HLTF: variants seen among roughly 807,000 people sequenced by gnomAD.
The protein encoded by HLTF is helicase like transcription factor.
Under a neutral mutation model 129.4 loss-of-function variants are expected in HLTF, and 127 were observed. The observed-to-expected ratio is 0.98, with a 90% CI of 0.85 to 1.14. The LOEUF (loss-of-function observed/expected upper bound fraction) is 1.14. Among genes scored for constraint, HLTF ranks in the 50% most tolerant of loss-of-function variants. The probability of loss-of-function intolerance (pLI) is 0.00; values close to 1 mark genes in which losing one functional copy is unlikely to be tolerated. For synonymous variants in HLTF, 332 were observed against 388.8 expected (o/e 0.85, Z 1.72); for missense variants, 1,139 against 1,187.1 (o/e 0.96, Z 0.60).
intron 2 of HLTF, among the ~76,000 whole-genome samples, chr3:149,082,575 C>T (rs1040960686): frequency 3.3e-5 from 5 of 152,100 alleles, no homozygotes; most frequent in African/African-American, 9.7e-5. Context: ...CAATCTGTAT[C>T]TTGATTGGGG....
At position 149,059,574 on chromosome 3, in the gene HLTF, T is replaced by C; in HGVS notation, c.1375+144A>G. On this transcript the variant is annotated intron_variant, in intron 13 of 24. Coordinates refer to ENST00000310053, the MANE Select transcript of HLTF (RefSeq NM_003071.4). ...GAAAACAAATTATGAGGTAGCTTTGTTCTTTTAATGGGTTATATACTTTAA... is the reference window on the plus strand; with the variant it reads ...GAAAACAAATTATGAGGTAGCTTTGCTCTTTTAATGGGTTATATACTTTAA... The C allele has an allele frequency of 4.3e-5, 25 of 586,306 alleles. 2 individuals are homozygous for C. The South Asian group carries it at 5.6e-4, about 13-fold the overall frequency. The allele number at this position is 586,306 out of a possible 1,614,324, so 36.3% of individuals were successfully genotyped here. A position where few individuals can be genotyped will look rare whatever the true frequency, so the allele number is the denominator to read the frequency against.
At chr3:149,057,851 ATTTC>A (rs1016355122) in intron 13 of HLTF, among the ~76,000 whole-genome samples, 16 of 152,290 alleles carry the variant, frequency 1.1e-4, no homozygotes, top group African/African-American at 3.8e-4. Context: ...CATGTACATT[ATTTC>A]TAATATTCCA....
intron 2 of HLTF, among the ~76,000 whole-genome samples, chr3:149,083,017 CGAGGT>C (rs533825124): frequency 6.6e-6 from 1 of 151,964 alleles, no homozygotes; most frequent in Non-Finnish European, 1.5e-5. Flanking sequence ...TTTGGAAGGC[CGAGGT>C]GAGTGGATCA....
intron 3 of HLTF, 110 bp downstream of exon 3, chr3:149,075,771 A>G (rs1719292962): frequency 1.7e-6 from 1 of 586,604 alleles, no homozygotes; most frequent in Admixed American, 3.2e-5. Flanking sequence ...CCAAAAGTAC[A>G]GTGATAGAAA....
At chr3:149,044,858 C>CCTT (rs755837584) in intron 18 of HLTF, among the ~76,000 whole-genome samples, 97 of 152,152 alleles carry the variant, frequency 6.4e-4, no homozygotes, top group Non-Finnish European at 1.2e-3. Context: ...TTTCTCACTC[C>CCTT]CTTTATCACT....
At chr3:149,047,506 C>T (rs1451204843) in intron 17 of HLTF, among the ~76,000 whole-genome samples, 2 of 151,950 alleles carry the variant, frequency 1.3e-5, no homozygotes, top group African/African-American at 2.4e-5. Context: ...GCGGGGCATG[C>T]TGGCGCAGAC....
Position 149,032,016 on chromosome 3 carries a change from A to T in HLTF, c.*204T>A, listed in dbSNP as rs1385182573. 5.2e-6 allele frequency: 2 copies of T among 387,694 alleles called. No homozygotes were observed. Among genetic ancestry groups the T allele is most frequent in the South Asian group, 1.4e-4 (2 of 14,566 alleles). The allele number at this position is 387,694 out of a possible 1,614,324, so 24.0% of individuals were successfully genotyped here. On this transcript the variant is annotated 3_prime_UTR_variant, in exon 25 of 25. Transcript: ENST00000310053. ...CTCAAATTATTTCAGGCCACAGTAT[A>T]TAACGGAACTTATTGCTATTTGAAG... is the stretch of plus-strand genomic sequence containing the variant.
intron 10 of HLTF, 82 bp downstream of exon 10, chr3:149,063,349 C>T (rs1276192335): frequency 1.7e-5 from 16 of 929,762 alleles, no homozygotes; most frequent in East Asian, 7.4e-5. Flanking sequence ...TGTGAGCCAC[C>T]GTGCCCAGCC....
At chr3:149,041,768 C>G (rs1716153844) in intron 19 of HLTF, 100 bp from the exon 20 acceptor site, 18 of 819,980 alleles carry the variant, frequency 2.2e-5, no homozygotes, top group South Asian at 2.1e-4. Context: ...TAGGGAAAGT[C>G]TCTCATCATT....
chr3:149,060,358 C>T (rs1197140599), intron 12 of HLTF, among the ~76,000 whole-genome samples: 1 of 152,134 alleles, frequency 6.6e-6, no homozygotes, highest in African/African-American at 2.4e-5. Flanking sequence ...TCATACTACA[C>T]ACATAGGTTT....
At chr3:149,035,106 T>G in intron 23 of HLTF, 108 bp from the exon 24 acceptor site, 1 of 843,884 alleles carries the variant, frequency 1.2e-6, no homozygotes, top group Non-Finnish European at 2.0e-6. Flanking sequence ...GACTGAAAGT[T>G]TTCTGCCTGA....
rs1336213963 is a variant in HLTF at position 149,074,274 on chromosome 3, C to A, written c.470G>T (p.Arg157Ile). 2 of 1,613,484 alleles carry A rather than the reference C, an allele frequency of 1.2e-6. No individual in the cohort carries two copies. Among genetic ancestry groups the A allele is most frequent in the Non-Finnish European group, 1.7e-6 (2 of 1,179,810 alleles). The change falls in exon 4 of 25, where the codon AGA (arginine) becomes ATA (isoleucine). Residue 157 changes from arginine to isoleucine, a missense_variant. Physicochemically the swap from Arg to Ile is moderately conservative, Grantham distance 97. Coordinates refer to ENST00000310053, the MANE Select transcript of HLTF (RefSeq NM_003071.4). ...HMTFWGKEEN[R>I]KAVSDQLKKH... ...CTTCAACTGATCTGAAACCGCTTTT[C>A]TATTTTCTTCTTTTCCCCAAAAAGT...
chr3:149,082,804 C>T (rs536294982), intron 2 of HLTF, among the ~76,000 whole-genome samples: 1 of 152,228 alleles, frequency 6.6e-6, no homozygotes, highest in South Asian at 2.1e-4. Flanking sequence ...AGATGATATT[C>T]CTAATCACAT....
In HLTF at chr3:149,041,523, T is replaced by C; in HGVS notation, c.2343A>G (p.Lys781=). The C allele has an allele frequency of 1.2e-6, 2 of 1,612,946 alleles. No individual in the cohort carries two copies. The highest frequency in any genetic ancestry group is 1.7e-6 in the Non-Finnish European group (2 of 1,179,346). ...TCTGAATGACTTGGCAAATACAGGG[T>C]TTACAAAATACATGTGCACAATGTG... The part of the protein sequence containing the change: ...VITHCAHVFC[K]PCICQVIQNE... The change falls in exon 20 of 25, where the codon AAA becomes AAG. Residue 781 remains lysine (K), a synonymous_variant. Transcript: ENST00000310053.
intron 18 of HLTF, 95 bp from the exon 19 acceptor site, chr3:149,042,385 C>T: frequency 9.7e-7 from 1 of 1,028,342 alleles, no homozygotes; most frequent in Non-Finnish European, 1.4e-6. Flanking sequence ...TTCTTTTCTT[C>T]TCTAGAAATT....
At chr3:149,083,379 T>C (rs1291752099) in intron 2 of HLTF, among the ~76,000 whole-genome samples, 1 of 152,144 alleles carries the variant, frequency 6.6e-6, no homozygotes, top group Non-Finnish European at 1.5e-5. Flanking sequence ...AAACTGATGA[T>C]TACTTTTTAT....
chr3:149,074,491 GAA>G, intron 3 of HLTF, 143 bp from the exon 4 acceptor site: 1 of 653,470 alleles, frequency 1.5e-6, no homozygotes, highest in East Asian at 2.9e-5. Context: ...AGACTTGAAA[GAA>G]AAAAAGGAAA....
chr3:149,062,065 G>A (rs894847767), intron 10 of HLTF, among the ~76,000 whole-genome samples: 1 of 152,160 alleles, frequency 6.6e-6, no homozygotes, highest in African/African-American at 2.4e-5. Context: ...AATTTGTTAT[G>A]TGATTTTAAG....
At chr3:149,079,107 A>G (rs145045648) in intron 2 of HLTF, among the ~76,000 whole-genome samples, 293 of 152,228 alleles carry the variant, frequency 1.9e-3, no homozygotes, top group African/African-American at 6.9e-3. Context: ...GACACACAAC[A>G]GAGCCTCAGA....
Sources: allele counts gnomAD v4.1 joint callset (sites outside exome capture counted in the v4.1 genomes callset), GRCh38; gene constraint gnomAD v4.1.1; transcripts MANE v1.5; gene names NCBI Gene and HGNC (gene_info 2026-07-23, HGNC 2026-07-21).